The following GFRAL variants were observed in gnomAD, a reference collection of about 807,000 sequenced individuals.
The protein encoded by GFRAL is GDNF family receptor alpha like.
Under a neutral mutation model 45.4 loss-of-function variants are expected in GFRAL, and 36 were observed. The observed-to-expected ratio is 0.79, with a 90% confidence interval of 0.61 to 1.05. The LOEUF is 1.05. Ranked by LOEUF, GFRAL falls within the 50% of genes least tolerant of loss-of-function variation. GFRAL has a pLI of 0.00. For missense variants in GFRAL, 507 were observed against 467.5 expected, an observed-to-expected ratio of 1.08 and a Z score of -0.78; for synonymous variants, 166 against 154.1, an observed-to-expected ratio of 1.08 and a Z score of -0.57.
chr6:55,331,784 G>C lies in GFRAL; in HGVS notation c.92G>C (p.Cys31Ser). ...AATTGCACATATTTAAGAGAGCAAT[G>C]CTTACGTGATGCAAATGGATGTAAA... ...TNNCTYLREQCLRDANGCKHA... is the reference protein window; with the variant it reads ...TNNCTYLREQSLRDANGCKHA... The change falls in exon 2 of 9, where the codon TGC (cysteine) becomes TCC (serine). Residue 31 changes from cysteine (C) to serine (S), a missense_variant. Cys to Ser is a moderately radical substitution (Grantham distance 112). Transcript: ENST00000340465. 6.2e-7 allele frequency: 1 copy of C among 1,611,094 alleles called. No individual in the cohort carries two copies. Among genetic ancestry groups the C allele is most frequent in the Middle Eastern group, 1.7e-4 (1 of 6,052 alleles).
chr6:55,340,135 A>G (rs57378656), intron 3 of GFRAL, among the ~76,000 whole-genome samples: 38,254 of 152,142 alleles, frequency 0.25, 5,195 homozygotes, highest in Middle Eastern at 0.44. Flanking sequence ...ACAAAGAATT[A>G]TAAAGAAATT....
chr6:55,327,543 G>C lies in GFRAL; in HGVS notation c.-12G>C. On this transcript the variant is annotated 5_prime_UTR_variant, in exon 1 of 9. Coordinates refer to ENST00000340465, the MANE Select transcript of GFRAL (RefSeq NM_207410.2). ...CCTTTTTTTCCAGGTGAACTGCCGTGAGTTGTCCAGCATGATAGTGTTTAT... is the reference window on the plus strand; with the variant it reads ...CCTTTTTTTCCAGGTGAACTGCCGTCAGTTGTCCAGCATGATAGTGTTTAT... 1 of 1,612,834 alleles carries C rather than the reference G, an allele frequency of 6.2e-7. No homozygotes were observed. The highest frequency in any genetic ancestry group is 8.5e-7 in the Non-Finnish European group (1 of 1,179,150).
intron 6 of GFRAL, among the ~76,000 whole-genome samples, chr6:55,381,771 A>G (rs1024015601): frequency 1.3e-5 from 2 of 151,984 alleles, no homozygotes; most frequent in East Asian, 3.9e-4. Context: ...TACAGACTAT[A>G]AATAAAACAC....
intron 4 of GFRAL, 97 bp downstream of exon 4, chr6:55,350,242 A>C: frequency 1.4e-6 from 1 of 713,302 alleles, no homozygotes; most frequent in South Asian, 1.6e-5. Flanking sequence ...AATACAGAAC[A>C]AATCATGTGG....
intron 3 of GFRAL, among the ~76,000 whole-genome samples, chr6:55,343,264 C>T (rs148656352): frequency 0.024 from 3,622 of 152,210 alleles, 114 homozygotes; most frequent in South Asian, 0.073. Context: ...GAAAATTGAC[C>T]ACATAGTTGG....
At chr6:55,349,124 A>G (rs899427434) in intron 3 of GFRAL, among the ~76,000 whole-genome samples, 9 of 152,188 alleles carry the variant, frequency 5.9e-5, no homozygotes, top group Non-Finnish European at 1.0e-4. Flanking sequence ...AATTAAAAAA[A>G]TGAAAAACAA....
intron 6 of GFRAL, among the ~76,000 whole-genome samples, chr6:55,385,549 T>A (rs1768668206): frequency 6.6e-6 from 1 of 152,198 alleles, no homozygotes; most frequent in East Asian, 1.9e-4. Context: ...AATTAGTAAC[T>A]TGTCCAAGTC....
chr6:55,343,568 G>T (rs1464343511), intron 3 of GFRAL, among the ~76,000 whole-genome samples: 2 of 152,140 alleles, frequency 1.3e-5, no homozygotes, highest in African/African-American at 4.8e-5. Flanking sequence ...GCCCACAAAA[G>T]AAAGCAGGAA....
At chr6:55,329,817 T>C (rs1767807860) in intron 1 of GFRAL, among the ~76,000 whole-genome samples, 1 of 152,028 alleles carries the variant, frequency 6.6e-6, no homozygotes, top group Non-Finnish European at 1.5e-5. Context: ...TGGATTCTTC[T>C]TATAAGATGA....
intron 3 of GFRAL, among the ~76,000 whole-genome samples, chr6:55,345,695 G>A (rs1450109870): frequency 6.6e-6 from 1 of 152,122 alleles, no homozygotes; most frequent in Non-Finnish European, 1.5e-5. Context: ...TTGACAAATG[G>A]GATCTAATTA....
At chr6:55,354,294 T>G (rs2127356049) in intron 5 of GFRAL, among the ~76,000 whole-genome samples, 1 of 152,122 alleles carries the variant, frequency 6.6e-6, no homozygotes, top group African/African-American at 2.4e-5. Context: ...GGCACAGAGT[T>G]GATGATTTTC....
intron 6 of GFRAL, among the ~76,000 whole-genome samples, chr6:55,393,421 A>T (rs1209933283): frequency 6.6e-6 from 1 of 152,110 alleles, no homozygotes; most frequent in Non-Finnish European, 1.5e-5. Context: ...TGCCTCTTCT[A>T]AAAAAGACGT....
At chr6:55,335,656 A>G (rs1014307295) in intron 3 of GFRAL, among the ~76,000 whole-genome samples, 5 of 152,146 alleles carry the variant, frequency 3.3e-5, no homozygotes, top group African/African-American at 1.2e-4. Context: ...CCCTGCAAAT[A>G]TCTAATTGTT....
intron 6 of GFRAL, among the ~76,000 whole-genome samples, chr6:55,387,182 A>C (rs1480130517): frequency 6.6e-6 from 1 of 152,208 alleles, no homozygotes; most frequent in Non-Finnish European, 1.5e-5. Flanking sequence ...AGGAGCATTT[A>C]AGATCATGGA....
chr6:55,399,461 A>C lies in GFRAL; in HGVS notation c.1121+20A>C. The C allele has an allele frequency of 6.6e-7, 1 of 1,521,120 alleles. No homozygotes were observed. The allele number at this position is 1,521,120 out of a possible 1,614,324, so 94.2% of individuals were successfully genotyped here. A position where few individuals can be genotyped will look rare whatever the true frequency, so the allele number is the denominator to read the frequency against. On this transcript the variant is annotated intron_variant, in intron 8 of 8. Coordinates refer to ENST00000340465, the MANE Select transcript of GFRAL (RefSeq NM_207410.2). ...GCTTAGGTAACTGAATATAAATTAG[A>C]AGGAAAGGTCTGAAAGGGAGTCACT...
At chr6:55,345,121 G>T (rs1768020629) in intron 3 of GFRAL, among the ~76,000 whole-genome samples, 1 of 151,942 alleles carries the variant, frequency 6.6e-6, no homozygotes, top group African/African-American at 2.4e-5. Context: ...ACTGCCCAAG[G>T]TAATTTATAG....
chr6:55,339,539 T>G lies in GFRAL; in HGVS notation c.316+5595T>G, dbSNP rs549641898. Among the ~76,000 whole-genome samples, 24 of 152,168 alleles carry G rather than the reference T, an allele frequency of 1.6e-4. No homozygotes were observed. In the East Asian group the frequency reaches 4.6e-3, roughly 29 times the overall value. ...GGAGAAAGATATTTTCAGAAGAATT[T>G]TATGACCTATTTGAAGAAACCAAAA... On this transcript the variant is annotated intron_variant, in intron 3 of 8. Coordinates refer to ENST00000340465, the MANE Select transcript of GFRAL (RefSeq NM_207410.2).
At chr6:55,344,297 C>T (rs1156812458) in intron 3 of GFRAL, among the ~76,000 whole-genome samples, 1 of 152,168 alleles carries the variant, frequency 6.6e-6, no homozygotes, top group Non-Finnish European at 1.5e-5. Flanking sequence ...CAATAAAATA[C>T]TGGCAAACCG....
At chr6:55,396,552 CT>C (rs956846840) in intron 6 of GFRAL, among the ~76,000 whole-genome samples, 1 of 150,786 alleles carries the variant, frequency 6.6e-6, no homozygotes, top group Non-Finnish European at 1.5e-5. Flanking sequence ...CCAGCTACAG[CT>C]TTTTTTTAAA....
Sources: allele counts gnomAD v4.1 joint callset (sites outside exome capture counted in the v4.1 genomes callset), GRCh38; gene constraint gnomAD v4.1.1; transcripts MANE v1.5; gene names NCBI Gene and HGNC (gene_info 2026-07-23, HGNC 2026-07-21).